Variants in KRT74 observed in about 807,000 individuals in gnomAD.
KRT74 encodes keratin 74.
In KRT74, 43 loss-of-function variants were observed where a neutral mutation model predicts 42.7. The ratio of observed to expected loss-of-function variants is 1.01; its 90% confidence interval spans 0.79 to 1.30. The LOEUF (loss-of-function observed/expected upper bound fraction) is 1.30. Ranked by LOEUF, KRT74 falls within the 50% of genes most tolerant of loss-of-function variation. The pLI is 0.00. For missense variants in KRT74, 736 were observed against 689.1 expected (o/e 1.07, Z -0.76); for synonymous variants, 302 against 279.0 (o/e 1.08, Z -0.82).
chr12:52,569,918 C>T lies in KRT74; in HGVS notation c.1075G>A (p.Val359Met), dbSNP rs138437710. The T allele has an allele frequency of 6.6e-5, 107 of 1,614,218 alleles. No individual in the cohort carries two copies. In the African/African-American group the frequency reaches 1.3e-3, roughly 19 times the overall value. ...DDLKHTRSEM[V>M]ELNRLIQRIR... ...CTCTGGATGAGCCGGTTCAGCTCCACCATCTCGCTCCTGGTGTGTTTCAGG... is the reference window on the plus strand; with the variant it reads ...CTCTGGATGAGCCGGTTCAGCTCCATCATCTCGCTCCTGGTGTGTTTCAGG... The change falls in exon 6 of 9, where the codon GTG becomes ATG. Residue 359 changes from valine (V) to methionine (M), a missense_variant. Physicochemically the swap from Val to Met is conservative, Grantham distance 21. Coordinates refer to ENST00000305620, the MANE Select transcript of KRT74 (RefSeq NM_175053.4).
chr12:52,573,696 C>G lies in KRT74; in HGVS notation c.82G>C (p.Val28Leu). The G allele has an allele frequency of 6.2e-7, 1 of 1,614,218 alleles. No individual in the cohort carries two copies. The highest frequency in any genetic ancestry group is 1.1e-5 in the South Asian group (1 of 91,088). Residue 28 changes from valine to leucine, a missense_variant, in exon 1 of 9, where the codon GTG (valine) becomes CTG (leucine). Transcript: ENST00000305620. The stretch of plus-strand genomic sequence containing the variant: ...GCACAGTAAGAAGCCAGGCTACCCA[C>G]AGCCTTCCTTGGCACCACTGCCGAA... The part of the protein sequence containing the change: ...VHSAVVPRKA[V>L]GSLASYCAAG...
chr12:52,570,629 G>T (rs1407607843), intron 5 of KRT74, 40 bp downstream of exon 5: 8 of 1,611,644 alleles, frequency 5.0e-6, no homozygotes, highest in Non-Finnish European at 6.8e-6. Flanking sequence ...CTCCCAGGAA[G>T]CGAAGGGCTG....
rs2120653750 is a variant in KRT74 at position 52,572,450 on chromosome 12, C to T, written c.686+3G>A. 6.2e-7 allele frequency: 1 copy of T among 1,613,920 alleles called. No homozygotes were observed. The highest frequency in any genetic ancestry group is 8.5e-7 in the Non-Finnish European group (1 of 1,179,824). On this transcript the variant is annotated splice_donor_region_variant and intron_variant, in intron 2 of 8. Transcript: ENST00000305620. ...CTGTGACCCTCGGGTGGAGCCTGCT[C>T]ACCTCTTCTTATAGTCCTCCACCAG...
chr12:52,569,175 C>A (rs1478681692), intron 6 of KRT74, among the ~76,000 whole-genome samples: 1 of 152,122 alleles, frequency 6.6e-6, no homozygotes, highest in African/African-American at 2.4e-5. Context: ...AGAGAGGTCA[C>A]AGGAAGGATC....
intron 8 of KRT74, 74 bp from the exon 9 acceptor site, chr12:52,567,242 C>G: frequency 7.8e-7 from 1 of 1,278,662 alleles, no homozygotes; most frequent in African/African-American, 1.5e-5. Flanking sequence ...TAACGGCTGT[C>G]CCCAAGGGCT....
intron 3 of KRT74, 92 bp downstream of exon 3, chr12:52,571,852 C>A (rs528203999): frequency 3.9e-5 from 36 of 924,702 alleles, no homozygotes; most frequent in Non-Finnish European, 6.2e-5. Flanking sequence ...AGGCACCAGC[C>A]CCCTCCCCAG....
At position 52,566,868 on chromosome 12, in the gene KRT74, G is replaced by A; in HGVS notation, c.*101C>T. 3 of 970,948 alleles carry A rather than the reference G, an allele frequency of 3.1e-6. No individual in the cohort carries two copies. In the Admixed American group the frequency reaches 6.4e-5, roughly 21 times the overall value. The allele number at this position is 970,948 out of a possible 1,614,324, so 60.1% of individuals were successfully genotyped here. ...CAGACAGTTGAGTGTACTACAGACA[G>A]TTTTAAAACTCAGGGCCTGGGAACT... On this transcript the variant is annotated 3_prime_UTR_variant, in exon 9 of 9. Coordinates refer to ENST00000305620, the MANE Select transcript of KRT74 (RefSeq NM_175053.4).
rs1347507315 is a variant in KRT74, at chr12:52,566,296, T to C, written c.*673A>G. 1.3e-5 allele frequency: 2 copies of C among 152,040 alleles called. No homozygotes were observed. The highest frequency in any genetic ancestry group is 1.9e-4 in the East Asian group (1 of 5,160). 9.4% of individuals were successfully genotyped at this position (152,040 alleles called of 1,614,324 possible). On this transcript the variant is annotated 3_prime_UTR_variant, in exon 9 of 9. Coordinates refer to ENST00000305620, the MANE Select transcript of KRT74 (RefSeq NM_175053.4). ...GAATGGATGAGAACAGGAGGCAATA[T>C]GTGTAGGGTGTCTGGCATCTAGTAG...
rs558802050 is a variant in KRT74 at position 52,572,313 on chromosome 12, C to A, written c.686+140G>T. On this transcript the variant is annotated intron_variant, in intron 2 of 8. Coordinates refer to ENST00000305620, the MANE Select transcript of KRT74 (RefSeq NM_175053.4). ...TTATCATCAAAGAGGATAGGCCCTT[C>A]CCCCTAGCCAGAGAAAGGGATGTGA... The A allele has an allele frequency of 1.4e-5, 12 of 876,320 alleles. No homozygotes were observed. The South Asian group carries it at 1.6e-4, about 12-fold the overall frequency. The allele number at this position is 876,320 out of a possible 1,614,324, so 54.3% of individuals were successfully genotyped here. A position where few individuals can be genotyped will look rare whatever the true frequency, so the allele number is the denominator to read the frequency against.
chr12:52,571,328 G>C lies in KRT74; in HGVS notation c.843+31C>G, dbSNP rs372547457. ...CCTGGAAGAGTCGGGAAGGAGGCAG[G>C]GTGAGGGTGGGGGGACAGGAGTGTC... On this transcript the variant is annotated intron_variant, in intron 4 of 8. Transcript: ENST00000305620. 8.3e-6 allele frequency: 11 copies of C among 1,319,562 alleles called. No homozygotes were observed. In the African/African-American group the frequency reaches 1.0e-4, roughly 12 times the overall value. 81.7% of individuals were successfully genotyped at this position (1,319,562 alleles called of 1,614,324 possible). A position where few individuals can be genotyped will look rare whatever the true frequency, so the allele number is the denominator to read the frequency against.
In KRT74 at chr12:52,571,942, A is replaced by G. The variant is rs757121688; in HGVS notation, c.747+2T>C. On this transcript the variant is annotated splice_donor_variant, in intron 3 of 8. Transcript: ENST00000305620. LOFTEE classifies it high-confidence loss of function. ...TAATAAGGAGGCTCCTCCCTCTCTTACCTTCTTAAGCACCACAAACTCATT... is the reference window on the plus strand; with the variant it reads ...TAATAAGGAGGCTCCTCCCTCTCTTGCCTTCTTAAGCACCACAAACTCATT... The G allele has an allele frequency of 6.4e-7, 1 of 1,565,006 alleles. No homozygotes were observed. Among genetic ancestry groups the G allele is most frequent in the South Asian group, 1.1e-5 (1 of 90,024 alleles).
chr12:52,573,570 C>T lies in KRT74; in HGVS notation c.208G>A (p.Ala70Thr), dbSNP rs1484682669. ...SFNVAGGGVRAGGYGFRPGSG... is the reference protein window; with the variant it reads ...SFNVAGGGVRTGGYGFRPGSG... ...CCAGGCCTGAAGCCGTAACCTCCAGCCCGAACGCCGCCACCAGCCACATTG... is the reference window on the plus strand; with the variant it reads ...CCAGGCCTGAAGCCGTAACCTCCAGTCCGAACGCCGCCACCAGCCACATTG... The change falls in exon 1 of 9, where the codon GCT becomes ACT. Residue 70 changes from alanine (A) to threonine (T), a missense_variant. Coordinates refer to ENST00000305620, the MANE Select transcript of KRT74 (RefSeq NM_175053.4). 4 of 1,613,970 alleles carry T rather than the reference C, an allele frequency of 2.5e-6. No homozygotes were observed. The Admixed American group carries it at 6.7e-5, about 27-fold the overall frequency.
At chr12:52,571,108 T>C (rs1253608211) in intron 4 of KRT74, among the ~76,000 whole-genome samples, 3 of 152,244 alleles carry the variant, frequency 2.0e-5, no homozygotes, top group East Asian at 3.9e-4. Flanking sequence ...CTCTGTGCTT[T>C]GTAAGACCTC....
At chr12:52,568,037 C>T in intron 7 of KRT74, 132 bp downstream of exon 7, 1 of 1,070,092 alleles carries the variant, frequency 9.3e-7, no homozygotes, top group Admixed American at 2.0e-5. Flanking sequence ...CAGGAAGCTG[C>T]CTCTGAGTTC....
In KRT74 at chr12:52,568,252, C is replaced by T; in HGVS notation, c.1272G>A (p.Glu424=). ...AKEELARMLR[E]YQELMSLKLA... Reference sequence around the variant, plus strand: ...GTTTCAGGCTCATGAGCTCCTGGTACTCGCGCAGCATCCGCGCCAGCTCCT... The same window carrying T: ...GTTTCAGGCTCATGAGCTCCTGGTATTCGCGCAGCATCCGCGCCAGCTCCT... Residue 424 remains glutamate, a synonymous_variant, in exon 7 of 9, where the codon GAG becomes GAA. Coordinates refer to ENST00000305620, the MANE Select transcript of KRT74 (RefSeq NM_175053.4). 3 of 1,614,162 alleles carry T rather than the reference C, an allele frequency of 1.9e-6. No homozygotes were observed. The highest frequency in any genetic ancestry group is 2.5e-6 in the Non-Finnish European group (3 of 1,180,034).
At position 52,572,061 on chromosome 12, in the gene KRT74, C is replaced by T. The variant is rs927990634; in HGVS notation, c.687-57G>A. On this transcript the variant is annotated intron_variant, in intron 2 of 8. Coordinates refer to ENST00000305620, the MANE Select transcript of KRT74 (RefSeq NM_175053.4). ...CCCTTAGCCAAGGAACTTTCTCTTCCTGCTGGCCAGGCAAATGTTTGGGAT... is the reference window on the plus strand; with the variant it reads ...CCCTTAGCCAAGGAACTTTCTCTTCTTGCTGGCCAGGCAAATGTTTGGGAT... The T allele has an allele frequency of 1.5e-5, 19 of 1,307,260 alleles. No individual in the cohort carries two copies. In the Admixed American group the frequency reaches 1.5e-4, roughly 10 times the overall value. The allele number at this position is 1,307,260 out of a possible 1,614,324, so 81.0% of individuals were successfully genotyped here.
chr12:52,573,386 G>T lies in KRT74; in HGVS notation c.392C>A (p.Pro131His). ...CTGGGCGCGCACCTTCTGGATCTCAGGGTCCAGCTCCACGTTGAGGGGGGC... is the reference window on the plus strand; with the variant it reads ...CTGGGCGCGCACCTTCTGGATCTCATGGTCCAGCTCCACGTTGAGGGGGGC... ...LLAPLNVELD[P>H]EIQKVRAQER... The change falls in exon 1 of 9, where the codon CCT becomes CAT. Residue 131 changes from proline (P) to histidine (H), a missense_variant. By Grantham distance (77) the Pro-to-His change is moderately conservative. Transcript: ENST00000305620. 6.2e-7 allele frequency: 1 copy of T among 1,614,232 alleles called. No individual in the cohort carries two copies. Among genetic ancestry groups the T allele is most frequent in the Non-Finnish European group, 8.5e-7 (1 of 1,180,046 alleles).
chr12:52,572,381 A>G, intron 2 of KRT74, 72 bp downstream of exon 2: 3 of 1,517,878 alleles, frequency 2.0e-6, no homozygotes, highest in Non-Finnish European at 2.7e-6. Flanking sequence ...CTAAAAAATA[A>G]TGGCACAGAG....
At chr12:52,568,096 T>C in intron 7 of KRT74, 73 bp downstream of exon 7, 2 of 1,542,994 alleles carry the variant, frequency 1.3e-6, no homozygotes, top group East Asian at 2.2e-5. Flanking sequence ...CATGTTGTTC[T>C]CCAGGTGGCC....
Sources: allele counts gnomAD v4.1 joint callset (sites outside exome capture counted in the v4.1 genomes callset), GRCh38; gene constraint gnomAD v4.1.1; transcripts MANE v1.5; gene names NCBI Gene and HGNC (gene_info 2026-07-23, HGNC 2026-07-21).